The following SGCZ variants were observed in gnomAD, a reference collection of about 807,000 sequenced individuals.
The protein encoded by SGCZ is zeta-sarcoglycan.
Under a neutral mutation model 41.3 loss-of-function variants are expected in SGCZ, and 40 were observed. That is an observed-to-expected ratio of 0.97 (90% CI 0.75 to 1.26). SGCZ has a LOEUF of 1.26. Ranked by LOEUF, SGCZ falls within the 50% of genes most tolerant of loss-of-function variation. The probability of loss-of-function intolerance (pLI) is 0.00; values close to 1 mark genes in which losing one functional copy is unlikely to be tolerated. For synonymous variants in SGCZ, 206 were observed against 137.5 expected (o/e 1.50, Z -3.49); for missense variants, 552 against 369.8 (o/e 1.49, Z -4.04).
At chr8:15,135,717 C>T (rs1372907219) in intron 1 of SGCZ, among the ~76,000 whole-genome samples, 1 of 151,908 alleles carries the variant, frequency 6.6e-6, no homozygotes, top group Non-Finnish European at 1.5e-5. Flanking sequence ...GCAGGCAAGC[C>T]CCAGAACTGG....
At chr8:14,199,917 C>T (rs1208912520) in intron 4 of SGCZ, among the ~76,000 whole-genome samples, 2 of 152,108 alleles carry the variant, frequency 1.3e-5, no homozygotes, top group Non-Finnish European at 2.9e-5. Context: ...AAATTTGATA[C>T]TAGTTTTGCT....
chr8:15,212,659 A>C (rs965740124), intron 1 of SGCZ, among the ~76,000 whole-genome samples: 1 of 152,102 alleles, frequency 6.6e-6, no homozygotes, highest in Non-Finnish European at 1.5e-5. Context: ...ACTTAGAGAT[A>C]AAAGAACAAA....
In SGCZ at chr8:14,917,556, C is replaced by T. The variant is rs531412704; in HGVS notation, c.39+320029G>A. Among the ~76,000 whole-genome samples the T allele has an allele frequency of 1.2e-4, 18 of 152,178 alleles. 1 individual carries two copies. In the South Asian group the frequency reaches 3.3e-3, roughly 28 times the overall value. ...AGTTCTTCTATTAGTTTCAACATTT[C>T]ATGGTGGTCTATTGATCCACAGCAA... On this transcript the variant is annotated intron_variant, in intron 1 of 7. Transcript: ENST00000382080.
chr8:14,315,134 T>G lies in SGCZ; in HGVS notation c.336+8969A>C, dbSNP rs950178694. Among the ~76,000 whole-genome samples the G allele has an allele frequency of 7.9e-5, 12 of 152,264 alleles. No homozygotes were observed. In the East Asian group the frequency reaches 2.3e-3, roughly 29 times the overall value. On this transcript the variant is annotated intron_variant, in intron 3 of 7. Transcript: ENST00000382080. ...CTTGAGGTTTGAATTCTGGCTCACC[T>G]TGGAGTCCTGAAACTTTGGATGCAT...
rs534064730 is a variant in SGCZ at position 14,930,512 on chromosome 8, T to C, written c.39+307073A>G. Among the ~76,000 whole-genome samples, 80 of 152,156 alleles carry C rather than the reference T, an allele frequency of 5.3e-4. 3 individuals carry two copies. The highest frequency in any genetic ancestry group is 1.9e-3 in the African/African-American group (77 of 41,392). ...TATATACCCAAAGGATTATAAATCA[T>C]TCTACTATAAAGACACATGCCCATG... On this transcript the variant is annotated intron_variant, in intron 1 of 7. Transcript: ENST00000382080.
chr8:14,334,872 A>G (rs17297794), intron 2 of SGCZ, among the ~76,000 whole-genome samples: 4,893 of 152,258 alleles, frequency 0.032, 116 homozygotes, highest in Non-Finnish European at 0.052. Context: ...TACATTCATT[A>G]TACAGAAGTA....
intron 1 of SGCZ, among the ~76,000 whole-genome samples, chr8:15,002,396 A>G (rs1045608611): frequency 6.6e-6 from 1 of 152,178 alleles, no homozygotes; most frequent in Non-Finnish European, 1.5e-5. Flanking sequence ...ATTTAATCAT[A>G]TAGTACGTTT....
intron 1 of SGCZ, among the ~76,000 whole-genome samples, chr8:14,582,538 T>G (rs2117262997): frequency 6.6e-6 from 1 of 152,134 alleles, no homozygotes; most frequent in Admixed American, 6.5e-5. Context: ...TACTTTAAGT[T>G]TAGGGTACAT....
At chr8:14,243,793 G>C (rs1798977530) in intron 3 of SGCZ, among the ~76,000 whole-genome samples, 2 of 152,094 alleles carry the variant, frequency 1.3e-5, no homozygotes, top group Admixed American at 1.3e-4. Context: ...TACTCCTCCA[G>C]AGTTAAAATT....
intron 1 of SGCZ, among the ~76,000 whole-genome samples, chr8:14,776,725 C>A (rs1467151753): frequency 6.6e-6 from 1 of 151,866 alleles, no homozygotes; most frequent in Non-Finnish European, 1.5e-5. Context: ...CATCTCCTGA[C>A]CTTGTGACCC....
chr8:15,109,529 A>C (rs949360081), intron 1 of SGCZ, among the ~76,000 whole-genome samples: 2 of 152,174 alleles, frequency 1.3e-5, no homozygotes, highest in East Asian at 3.8e-4. Context: ...CAGAAGATTT[A>C]ATTGCAAATT....
intron 1 of SGCZ, among the ~76,000 whole-genome samples, chr8:14,814,626 A>G (rs1801842281): frequency 6.6e-6 from 1 of 152,196 alleles, no homozygotes; most frequent in Non-Finnish European, 1.5e-5. Context: ...TTAAGAGTTC[A>G]GAGAAGATGG....
intron 1 of SGCZ, among the ~76,000 whole-genome samples, chr8:14,871,908 G>A (rs1244264811): frequency 6.7e-6 from 1 of 149,246 alleles, no homozygotes; most frequent in Non-Finnish European, 1.5e-5. Flanking sequence ...ATGTATGTAT[G>A]TATATATATG....
In SGCZ at chr8:14,619,898, C is replaced by T. The variant is rs185118487; in HGVS notation, c.40-64972G>A. ...ATTTATAGATTCAATGCCATCCCAT[C>T]AAGCTACCAATGCCTTTCTTCACAG... On this transcript the variant is annotated intron_variant, in intron 1 of 7. Coordinates refer to ENST00000382080, the MANE Select transcript of SGCZ (RefSeq NM_139167.4). Among the ~76,000 whole-genome samples, 520 of 152,296 alleles carry T rather than the reference C, an allele frequency of 3.4e-3. 1 individual carries two copies. The highest frequency in any genetic ancestry group is 0.011 in the African/African-American group (467 of 41,564).
chr8:15,217,526 T>C (rs2117175968), intron 1 of SGCZ, among the ~76,000 whole-genome samples: 1 of 152,084 alleles, frequency 6.6e-6, no homozygotes, highest in South Asian at 2.1e-4. Context: ...GCTGGACCTT[T>C]GAAAGGATGA....
chr8:14,317,341 G>C (rs1801752769), intron 3 of SGCZ, among the ~76,000 whole-genome samples: 1 of 151,982 alleles, frequency 6.6e-6, no homozygotes, highest in African/African-American at 2.4e-5. Context: ...AAGGCAAAGA[G>C]GGGTTAACTA....
intron 2 of SGCZ, among the ~76,000 whole-genome samples, chr8:14,479,037 C>G (rs1254242427): frequency 6.6e-6 from 1 of 152,130 alleles, no homozygotes; most frequent in African/African-American, 2.4e-5. Context: ...TCCAGCGGGA[C>G]AGGATTAAAT....
chr8:14,410,635 G>A (rs1384828956), intron 2 of SGCZ, among the ~76,000 whole-genome samples: 1 of 151,950 alleles, frequency 6.6e-6, no homozygotes, highest in African/African-American at 2.4e-5. Flanking sequence ...GGGAGGGAGA[G>A]CATTACTACA....
At chr8:14,168,153 G>C (rs1804263973) in intron 4 of SGCZ, among the ~76,000 whole-genome samples, 1 of 152,068 alleles carries the variant, frequency 6.6e-6, no homozygotes, top group Non-Finnish European at 1.5e-5. Flanking sequence ...TTGAAGAATA[G>C]TATTACTAAA....
Sources: allele counts gnomAD v4.1 joint callset (sites outside exome capture counted in the v4.1 genomes callset), GRCh38; gene constraint gnomAD v4.1.1; transcripts MANE v1.5; gene names NCBI Gene and HGNC (gene_info 2026-07-23, HGNC 2026-07-21).